Variants in ESRRG observed in about 807,000 individuals in gnomAD.
ESRRG encodes the protein estrogen related receptor gamma.
In ESRRG, 13 loss-of-function variants were observed where a neutral mutation model predicts 44.0. The observed-to-expected ratio is 0.30, with a 90% CI of 0.19 to 0.47. ESRRG has a LOEUF of 0.47. ESRRG is among the 20% of genes least tolerant of loss of function. The pLI is 1.00. For synonymous variants in ESRRG, 215 were observed against 214.6 expected, an observed-to-expected ratio of 1.00 and a Z score of -0.02; for missense variants, 395 against 580.6, an observed-to-expected ratio of 0.68 and a Z score of 3.29.
chr1:216,999,449 G>T (rs779160986), intron 1 of ESRRG, among the ~76,000 whole-genome samples: 1 of 152,062 alleles, frequency 6.6e-6, no homozygotes, highest in Admixed American at 6.6e-5. Context: ...TTTTTTCTCT[G>T]TTATGGAGAG....
chr1:216,657,104 T>C (rs542044548), intron 2 of ESRRG, among the ~76,000 whole-genome samples: 1 of 152,226 alleles, frequency 6.6e-6, no homozygotes, highest in African/African-American at 2.4e-5. Flanking sequence ...GATCTAACTT[T>C]CCTTTTTTTC....
chr1:216,681,122 C>A (rs942375446), intron 1 of ESRRG, among the ~76,000 whole-genome samples: 2 of 151,956 alleles, frequency 1.3e-5, no homozygotes, highest in African/African-American at 4.8e-5. Context: ...TATTTTAAAG[C>A]CTTAGTATGG....
intron 2 of ESRRG, among the ~76,000 whole-genome samples, chr1:216,854,082 G>A (rs1418104558): frequency 6.6e-6 from 1 of 151,960 alleles, no homozygotes; most frequent in Non-Finnish European, 1.5e-5. Context: ...GATGTGGCAG[G>A]GTGCGGTGGC....
intron 3 of ESRRG, among the ~76,000 whole-genome samples, chr1:216,598,246 C>A (rs931387297): frequency 6.6e-6 from 1 of 152,154 alleles, no homozygotes; most frequent in African/African-American, 2.4e-5. Flanking sequence ...CAGGTTGAAT[C>A]TATGGTGCAA....
chr1:216,601,386 C>T (rs2059233821), intron 3 of ESRRG, among the ~76,000 whole-genome samples: 1 of 152,284 alleles, frequency 6.6e-6, no homozygotes, highest in East Asian at 1.9e-4. Flanking sequence ...CCCGCTCCAA[C>T]GCCGCGAAGG....
intron 5 of ESRRG, among the ~76,000 whole-genome samples, chr1:216,539,199 T>A: frequency 1.8e-5 from 1 of 56,130 alleles, no homozygotes; most frequent in Admixed American, 2.2e-4. Context: ...GGAGATTTTA[T>A]ATATATATAT....
intron 1 of ESRRG, among the ~76,000 whole-genome samples, chr1:217,074,123 C>T (rs1292501399): frequency 2.0e-5 from 3 of 151,014 alleles, no homozygotes; most frequent in Non-Finnish European, 4.4e-5. Flanking sequence ...TCTCGGCTCA[C>T]TGCAACCTCC....
chr1:216,634,287 A>G (rs2064840708), intron 3 of ESRRG, among the ~76,000 whole-genome samples: 2 of 152,248 alleles, frequency 1.3e-5, no homozygotes, highest in Non-Finnish European at 2.9e-5. Context: ...AATGAGAATT[A>G]AAGATCCCTT....
At chr1:217,048,565 C>T (rs2085317328) in intron 1 of ESRRG, among the ~76,000 whole-genome samples, 1 of 152,114 alleles carries the variant, frequency 6.6e-6, no homozygotes. Flanking sequence ...ATGCAGAAAC[C>T]AGGCCCCCTT....
intron 3 of ESRRG, among the ~76,000 whole-genome samples, chr1:216,589,510 A>G (rs2057284572): frequency 6.6e-6 from 1 of 152,198 alleles, no homozygotes; most frequent in African/African-American, 2.4e-5. Flanking sequence ...ACAAGGATTA[A>G]TCTTGGAAAC....
chr1:216,629,811 A>C (rs2063808965), intron 3 of ESRRG, among the ~76,000 whole-genome samples: 1 of 152,194 alleles, frequency 6.6e-6, no homozygotes, highest in Non-Finnish European at 1.5e-5. Flanking sequence ...AGACTTAGGC[A>C]AAATACCAAA....
intron 3 of ESRRG, among the ~76,000 whole-genome samples, chr1:216,605,779 TGAAAC>T: frequency 6.7e-6 from 1 of 150,334 alleles, no homozygotes; most frequent in African/African-American, 2.4e-5. Flanking sequence ...AAAATTTCAA[TGAAAC>T]TATGAAAGAG....
intron 6 of ESRRG, among the ~76,000 whole-genome samples, chr1:216,516,084 G>A (rs561595572): frequency 2.6e-5 from 4 of 152,096 alleles, no homozygotes; most frequent in African/African-American, 9.6e-5. Flanking sequence ...TTAAAATTGT[G>A]ACCTAGAGTT....
intron 1 of ESRRG, among the ~76,000 whole-genome samples, chr1:217,110,655 T>C (rs1397069889): frequency 6.6e-6 from 1 of 151,994 alleles, no homozygotes; most frequent in Non-Finnish European, 1.5e-5. Flanking sequence ...GAGGATGAGG[T>C]GCCACACACT....
intron 1 of ESRRG, among the ~76,000 whole-genome samples, chr1:217,061,946 C>T (rs547217157): frequency 2.0e-5 from 3 of 152,230 alleles, no homozygotes; most frequent in Non-Finnish European, 4.4e-5. Flanking sequence ...AAAAACCTCC[C>T]TGCTCACCAA....
chr1:216,735,169 A>G (rs933654871), intron 2 of ESRRG, among the ~76,000 whole-genome samples: 3 of 150,876 alleles, frequency 2.0e-5, no homozygotes, highest in African/African-American at 4.9e-5. Flanking sequence ...TCGCCTCCCA[A>G]AGTGCTGGGA....
At chr1:216,850,776 TTG>T (rs2095830404) in intron 2 of ESRRG, among the ~76,000 whole-genome samples, 1 of 152,054 alleles carries the variant, frequency 6.6e-6, no homozygotes, top group Admixed American at 6.6e-5. Context: ...ATTGATGATA[TTG>T]ATCATAAGTT....
At chr1:217,092,538 TTACCTACC>T (rs899348814), upstream of ESRRG, among the ~76,000 whole-genome samples, 1 of 152,158 alleles carries the variant, frequency 6.6e-6, no homozygotes, top group African/African-American at 2.4e-5. Context: ...AGCTCTCTGC[TTACCTACC>T]TACCTACCTA....
At chr1:216,879,259 T>G (rs555783222) in intron 2 of ESRRG, among the ~76,000 whole-genome samples, 1 of 151,978 alleles carries the variant, frequency 6.6e-6, no homozygotes, top group South Asian at 2.1e-4. Flanking sequence ...TGGTAAATGG[T>G]TATGGAGCAC....
Sources: allele counts gnomAD v4.1 joint callset (sites outside exome capture counted in the v4.1 genomes callset), GRCh38; gene constraint gnomAD v4.1.1; transcripts MANE v1.5; gene names NCBI Gene and HGNC (gene_info 2026-07-23, HGNC 2026-07-21).